Variants in ANKRD30B observed in about 807,000 individuals in gnomAD.
ANKRD30B encodes ankyrin repeat domain-containing protein 30B.
In ANKRD30B, 144 loss-of-function variants were observed where a neutral mutation model predicts 202.2. The observed-to-expected ratio is 0.71, with a 90% CI of 0.62 to 0.82. The LOEUF (loss-of-function observed/expected upper bound fraction) is 0.82, where lower values mean the gene tolerates loss of function less well. ANKRD30B is among the 40% of genes least tolerant of loss of function. The probability of loss-of-function intolerance (pLI) is 0.00; values close to 1 mark genes in which losing one functional copy is unlikely to be tolerated. For missense variants in ANKRD30B, 1,487 were observed against 1,669.1 expected (o/e 0.89, Z 1.90); for synonymous variants, 508 against 561.3 (o/e 0.91, Z 1.34).
At chr18:14,912,391 T>G in the ANKRD30B span, among the ~76,000 whole-genome samples, 1 of 152,252 alleles carries the variant, frequency 6.6e-6, no homozygotes, top group Non-Finnish European at 1.5e-5. Context: ...GTTTTTGTTC[T>G]TAATTCTGCT....
At chr18:14,892,742 CAAAAAAAAAAAA>C in the ANKRD30B span, among the ~76,000 whole-genome samples, 1 of 72,902 alleles carries the variant, frequency 1.4e-5, no homozygotes, top group Non-Finnish European at 2.3e-5. Flanking sequence ...TCTGTTTCAC[CAAAAAAAAAAAA>C]AAAAAAAAAA....
chr18:14,767,216 T>A (rs777143665), intron 7 of ANKRD30B, among the ~76,000 whole-genome samples: 2 of 152,014 alleles, frequency 1.3e-5, no homozygotes, highest in Non-Finnish European at 2.9e-5. Flanking sequence ...TGTCTCTCTC[T>A]CACACAAACA....
chr18:14,846,632 T>C (rs1971648787), intron 39 of ANKRD30B, among the ~76,000 whole-genome samples: 2 of 152,016 alleles, frequency 1.3e-5, no homozygotes, highest in African/African-American at 4.8e-5. Context: ...TATTTAGGAC[T>C]GTTATGTTTT....
At chr18:14,854,114 C>T (rs1971995307) in intron 43 of ANKRD30B, among the ~76,000 whole-genome samples, 78 bp from the exon 44 acceptor site, 1 of 151,902 alleles carries the variant, frequency 6.6e-6, no homozygotes. Flanking sequence ...AGTTTTATTA[C>T]AATTTTATTA....
In ANKRD30B at chr18:14,796,349, T is replaced by G. The variant is rs769329063; in HGVS notation, c.1861T>G (p.Cys621Gly). The G allele has an allele frequency of 1.1e-5, 18 of 1,588,798 alleles. No individual in the cohort carries two copies. In the South Asian group the frequency reaches 1.9e-4, roughly 17 times the overall value. The change falls in exon 18 of 44, where the codon TGT becomes GGT. Residue 621 changes from cysteine (C) to glycine (G), a missense_variant. Transcript: ENST00000690538. ...PVKDGLLKPT[C>G]GRKVSLPNKA... ...TGTTTCCAAACCCATTTAGCCTACC[T>G]GTGGAAGGAAAGTTTCTCTTCCAAA...
In ANKRD30B at chr18:14,831,409, A is replaced by T; in HGVS notation, c.2801A>T (p.Asn934Ile). The T allele has an allele frequency of 6.5e-7, 1 of 1,532,592 alleles. No individual in the cohort carries two copies. Among genetic ancestry groups the T allele is most frequent in the Non-Finnish European group, 8.8e-7 (1 of 1,137,582 alleles). The allele number at this position is 1,532,592 out of a possible 1,614,324, so 94.9% of individuals were successfully genotyped here. ...FSLFGKPTTE[N>I]SQSTKVEEDF... ...CTTTTTGGCAAACCGACTACTGAAA[A>T]TTCACAGTCTACAAAAGTTGAGGAA... The change falls in exon 34 of 44, where the codon AAT (asparagine) becomes ATT (isoleucine). Residue 934 changes from asparagine (N) to isoleucine (I), a missense_variant. Physicochemically the swap from Asn to Ile is moderately radical, Grantham distance 149 (BLOSUM62 -3). Coordinates refer to ENST00000690538, the MANE Select transcript of ANKRD30B (RefSeq NM_001367607.2).
intron 16 of ANKRD30B, among the ~76,000 whole-genome samples, chr18:14,793,066 C>T (rs1433551032): frequency 6.6e-6 from 1 of 152,038 alleles, no homozygotes; most frequent in East Asian, 1.9e-4. Flanking sequence ...TTTGCTGTTC[C>T]TGATGAGGTT....
At chr18:14,835,302 A>G (rs1459258422) in intron 34 of ANKRD30B, among the ~76,000 whole-genome samples, 3 of 151,608 alleles carry the variant, frequency 2.0e-5, no homozygotes, top group Non-Finnish European at 4.4e-5. Flanking sequence ...AAATGAATGT[A>G]ATCAGTATTT....
the ANKRD30B span, among the ~76,000 whole-genome samples, chr18:14,869,829 C>A: frequency 7.9e-5 from 12 of 152,072 alleles, no homozygotes; most frequent in Non-Finnish European, 1.3e-4. Flanking sequence ...AGGAACATAG[C>A]TTTCCCATCT....
At chr18:14,836,462 C>T (rs1971176931) in intron 34 of ANKRD30B, among the ~76,000 whole-genome samples, 1 of 151,918 alleles carries the variant, frequency 6.6e-6, no homozygotes, top group Non-Finnish European at 1.5e-5. Flanking sequence ...TATTTTCTGC[C>T]TTCTTATAAT....
chr18:14,752,255 A>G (rs1913570765), intron 1 of ANKRD30B, among the ~76,000 whole-genome samples: 1 of 152,158 alleles, frequency 6.6e-6, no homozygotes, highest in Non-Finnish European at 1.5e-5. Context: ...ATTCATCTCC[A>G]TTTTATTGAT....
chr18:14,929,847 G>A, the ANKRD30B span, among the ~76,000 whole-genome samples: 1 of 152,090 alleles, frequency 6.6e-6, no homozygotes, highest in South Asian at 2.1e-4. Flanking sequence ...ATAGATAAAC[G>A]AAGGTGGTGA....
At chr18:14,905,990 G>A in the ANKRD30B span, 1 of 151,882 alleles carries the variant, frequency 6.6e-6, no homozygotes, top group African/African-American at 2.4e-5. Flanking sequence ...TTTATGATTT[G>A]CTTGGCCCTG....
chr18:14,796,727 G>C (rs1401273582), intron 18 of ANKRD30B, among the ~76,000 whole-genome samples: 2 of 151,618 alleles, frequency 1.3e-5, no homozygotes, highest in African/African-American at 4.9e-5. Context: ...GATAGTGAAA[G>C]CTGGGTCCAG....
At chr18:14,822,172 C>G (rs1970455370) in intron 30 of ANKRD30B, among the ~76,000 whole-genome samples, 1 of 152,180 alleles carries the variant, frequency 6.6e-6, no homozygotes, top group Admixed American at 6.5e-5. Flanking sequence ...AATTCAACCT[C>G]TTTCCTTATA....
intron 33 of ANKRD30B, among the ~76,000 whole-genome samples, 197 bp from the exon 34 acceptor site, chr18:14,831,181 GAAAAA>G (rs71305894): frequency 7.6e-5 from 4 of 52,352 alleles, no homozygotes; most frequent in South Asian, 2.1e-3. Flanking sequence ...CTCCGTCTCG[GAAAAA>G]AAAAAAAAAA....
chr18:14,906,650 A>T, the ANKRD30B span, among the ~76,000 whole-genome samples: 5 of 152,104 alleles, frequency 3.3e-5, no homozygotes, highest in African/African-American at 1.2e-4. Context: ...CTCCAGCTCC[A>T]TTGCCAAACC....
the ANKRD30B span, among the ~76,000 whole-genome samples, chr18:14,862,183 GAA>G: frequency 6.6e-6 from 1 of 151,392 alleles, no homozygotes; most frequent in South Asian, 2.1e-4. Context: ...TAAAAAGAGA[GAA>G]AGATCTCAAA....
chr18:14,912,072 A>G, the ANKRD30B span, among the ~76,000 whole-genome samples: 1 of 152,194 alleles, frequency 6.6e-6, no homozygotes, highest in African/African-American at 2.4e-5. Flanking sequence ...GTGAATAGGA[A>G]TAACTTGGCT....
Sources: gnomAD v4.1 joint callset for allele counts (sites outside exome capture counted in the v4.1 genomes callset) on GRCh38, gnomAD v4.1.1 for gene constraint, MANE v1.5 for transcripts, NCBI Gene and HGNC (gene_info 2026-07-23, HGNC 2026-07-21) for gene names.